The following TMEM232 variants were observed in gnomAD, a reference collection of about 807,000 sequenced individuals.
The protein encoded by TMEM232 is transmembrane protein 232.
Under a neutral mutation model 78.8 loss-of-function variants are expected in TMEM232, and 80 were observed. The ratio of observed to expected loss-of-function variants is 1.01; its 90% CI spans 0.85 to 1.22. The LOEUF is 1.22. TMEM232 is among the 50% of genes most tolerant of loss of function. TMEM232 has a pLI of 0.00. For synonymous variants in TMEM232, 297 were observed against 254.3 expected (o/e 1.17, Z -1.60); for missense variants, 881 against 742.2 (o/e 1.19, Z -2.17).
chr5:110,547,398 A>G (rs1368371798), intron 11 of TMEM232, among the ~76,000 whole-genome samples: 1 of 152,138 alleles, frequency 6.6e-6, no homozygotes, highest in African/African-American at 2.4e-5. Context: ...ACAGAAAGAA[A>G]AACTGAGACC....
chr5:110,669,297 T>C (rs1187308426), intron 1 of TMEM232, among the ~76,000 whole-genome samples: 1 of 152,066 alleles, frequency 6.6e-6, no homozygotes, highest in Non-Finnish European at 1.5e-5. Flanking sequence ...ATAAAGGGGA[T>C]ATCACCACCA....
At chr5:110,541,564 A>G (rs1773116809) in intron 11 of TMEM232, among the ~76,000 whole-genome samples, 1 of 152,146 alleles carries the variant, frequency 6.6e-6, no homozygotes, top group African/African-American at 2.4e-5. Flanking sequence ...TAAGGCTCTC[A>G]GAATCAAATA....
intron 12 of TMEM232, among the ~76,000 whole-genome samples, chr5:110,448,461 A>G (rs534955887): frequency 2.6e-4 from 40 of 152,228 alleles, no homozygotes; most frequent in Non-Finnish European, 5.4e-4. Context: ...CAATAGTTCT[A>G]CAAAGACTAG....
chr5:110,648,347 T>C (rs1787807519), intron 2 of TMEM232, among the ~76,000 whole-genome samples: 1 of 152,062 alleles, frequency 6.6e-6, no homozygotes, highest in African/African-American at 2.4e-5. Flanking sequence ...AGTTGGATGT[T>C]TTCTATCAAG....
At chr5:110,685,199 A>T (rs1793244629) in intron 1 of TMEM232, among the ~76,000 whole-genome samples, 2 of 152,188 alleles carry the variant, frequency 1.3e-5, no homozygotes, top group African/African-American at 4.8e-5. Context: ...ATAAAAACTT[A>T]TGATGTGCAA....
chr5:110,431,611 G>A lies in TMEM232; in HGVS notation c.1704-6695C>T, dbSNP rs116577214. 5.5e-3 allele frequency among the ~76,000 whole-genome samples: 822 copies of A among 149,706 alleles called. 3 individuals carry two copies. Among genetic ancestry groups the A allele is most frequent in the Non-Finnish European group, 8.1e-3 (550 of 67,720 alleles). ...AGGTTTATATTGGAGTTACAAATAT[G>A]GACTTTAAAATAACTATGATAAGTA... On this transcript the variant is annotated intron_variant, in intron 12 of 13. Transcript: ENST00000455884.
intron 12 of TMEM232, among the ~76,000 whole-genome samples, chr5:110,433,932 G>A (rs1322707206): frequency 6.6e-6 from 1 of 151,974 alleles, no homozygotes; most frequent in East Asian, 1.9e-4. Context: ...ATATTAGCCT[G>A]TAGTTTTCTT....
chr5:110,627,630 G>C (rs2149949035), intron 6 of TMEM232, 151 bp downstream of exon 6: 1 of 498,020 alleles, frequency 2.0e-6, no homozygotes, highest in East Asian at 3.6e-5. Flanking sequence ...CTGAACAAAT[G>C]CAATCTGGCC....
At chr5:110,495,396 T>C (rs945735600) in intron 12 of TMEM232, among the ~76,000 whole-genome samples, 1 of 151,920 alleles carries the variant, frequency 6.6e-6, no homozygotes, top group South Asian at 2.1e-4. Flanking sequence ...TTTAAAGTTA[T>C]CCCAGGTAGT....
chr5:110,567,483 T>A (rs537561710), intron 11 of TMEM232, among the ~76,000 whole-genome samples: 1 of 151,964 alleles, frequency 6.6e-6, no homozygotes, highest in African/African-American at 2.4e-5. Context: ...TCCTTTAATA[T>A]GGTAGTTGTT....
At chr5:110,609,970 T>C (rs1781984400) in intron 8 of TMEM232, among the ~76,000 whole-genome samples, 1 of 152,038 alleles carries the variant, frequency 6.6e-6, no homozygotes, top group Non-Finnish European at 1.5e-5. Flanking sequence ...AAGACATTTA[T>C]GCATCTTTAA....
intron 1 of TMEM232, among the ~76,000 whole-genome samples, chr5:110,686,884 C>G (rs370901105): frequency 5.3e-5 from 8 of 152,102 alleles, no homozygotes; most frequent in African/African-American, 1.9e-4. Flanking sequence ...CTTCCTTTCA[C>G]GGTCATTGTT....
At chr5:110,727,045 T>G (rs3851451), upstream of TMEM232, among the ~76,000 whole-genome samples, 13 of 152,232 alleles carry the variant, frequency 8.5e-5, 2 homozygotes, top group East Asian at 5.8e-4. Flanking sequence ...TCCTTTTACA[T>G]AGAAAATTTG....
At chr5:110,535,701 T>C (rs1772246739) in intron 11 of TMEM232, among the ~76,000 whole-genome samples, 1 of 151,876 alleles carries the variant, frequency 6.6e-6, no homozygotes, top group Non-Finnish European at 1.5e-5. Flanking sequence ...ACTAAGGGAG[T>C]TATGAACGAA....
At chr5:110,536,725 T>C (rs1305128392) in intron 11 of TMEM232, among the ~76,000 whole-genome samples, 1 of 152,034 alleles carries the variant, frequency 6.6e-6, no homozygotes, top group Non-Finnish European at 1.5e-5. Flanking sequence ...AGATGACTGG[T>C]TGTTTAAAAA....
intron 1 of TMEM232, among the ~76,000 whole-genome samples, chr5:110,696,426 C>A: frequency 6.6e-6 from 1 of 152,116 alleles, no homozygotes; most frequent in Non-Finnish European, 1.5e-5. Flanking sequence ...CACTCCTATT[C>A]AACATAGTGT....
chr5:110,726,264 C>G, intron 1 of TMEM232, among the ~76,000 whole-genome samples: 1 of 152,074 alleles, frequency 6.6e-6, no homozygotes, highest in East Asian at 1.9e-4. Context: ...GAAGACTGGT[C>G]TTCTGAATTC....
chr5:110,610,887 G>T (rs184845534), intron 8 of TMEM232, among the ~76,000 whole-genome samples: 94 of 152,172 alleles, frequency 6.2e-4, no homozygotes, highest in Non-Finnish European at 9.0e-4. Context: ...GCCAGCCAAG[G>T]TTCGTATATA....
intron 1 of TMEM232, among the ~76,000 whole-genome samples, chr5:110,691,695 A>T (rs1794135366): frequency 6.6e-6 from 1 of 152,216 alleles, no homozygotes; most frequent in Non-Finnish European, 1.5e-5. Context: ...ATAATAAGTC[A>T]TCACTTTCCA....
Sources: gnomAD v4.1 joint callset for allele counts (sites outside exome capture counted in the v4.1 genomes callset) on GRCh38, gnomAD v4.1.1 for gene constraint, MANE v1.5 for transcripts, NCBI Gene and HGNC (gene_info 2026-07-23, HGNC 2026-07-21) for gene names.